The following CARNMT1 variants were observed in gnomAD, a reference collection of about 807,000 sequenced individuals.
The protein encoded by CARNMT1 is carnosine N-methyltransferase 1, also known as protein-L-histidine N-pros-methyltransferase CARNMT1.
In CARNMT1, 28 loss-of-function variants were observed where a neutral mutation model predicts 49.6. The ratio of observed to expected loss-of-function variants is 0.56; its 90% confidence interval spans 0.42 to 0.77. The LOEUF is 0.77. Ranked by LOEUF, CARNMT1 falls within the 30% of genes least tolerant of loss-of-function variation. The probability of loss-of-function intolerance (pLI) is 0.00; values close to 1 mark genes in which losing one functional copy is unlikely to be tolerated. For synonymous variants in CARNMT1, 178 were observed against 175.0 expected (o/e 1.02, Z -0.13); for missense variants, 421 against 512.6 (o/e 0.82, Z 1.73).
At chr9:75,012,287 T>G (rs1378721318) in intron 3 of CARNMT1, among the ~76,000 whole-genome samples, 7 of 148,190 alleles carry the variant, frequency 4.7e-5, no homozygotes, top group African/African-American at 1.7e-4. Context: ...GTTTTTGGTT[T>G]TTTTTTTTTT....
chr9:75,016,107 T>A, intron 3 of CARNMT1, 161 bp downstream of exon 3: 2 of 505,302 alleles, frequency 4.0e-6, no homozygotes, highest in South Asian at 7.3e-5. Context: ...ACAACTGTAA[T>A]CTCACACAGA....
chr9:75,013,256 G>A (rs1351893019), intron 3 of CARNMT1, among the ~76,000 whole-genome samples: 2 of 152,064 alleles, frequency 1.3e-5, no homozygotes, highest in African/African-American at 4.8e-5. Context: ...CCATGGACTG[G>A]TCAGGAACTG....
Position 74,998,677 on chromosome 9 carries a change from A to G in CARNMT1, c.831T>C (p.Asp277=). ...ADQIRPIFFP[D]VDPHSLPPGS... ...CAGGAGGAAGACTGTGGGGGTCAACATCAGGGAAAAAGATGGGTCGAATCT... is the reference window on the plus strand; with the variant it reads ...CAGGAGGAAGACTGTGGGGGTCAACGTCAGGGAAAAAGATGGGTCGAATCT... The change falls in exon 5 of 8, where the codon GAT becomes GAC. Residue 277 remains aspartate (D), a synonymous_variant. Coordinates refer to ENST00000376834, the MANE Select transcript of CARNMT1 (RefSeq NM_152420.3). 6.2e-7 allele frequency: 1 copy of G among 1,609,476 alleles called. No individual in the cohort carries two copies. The highest frequency in any genetic ancestry group is 2.2e-5 in the East Asian group (1 of 44,778).
At chr9:74,998,421 C>A (rs1035176896) in intron 5 of CARNMT1, among the ~76,000 whole-genome samples, 177 bp downstream of exon 5, 11 of 152,190 alleles carry the variant, frequency 7.2e-5, no homozygotes, top group Admixed American at 2.0e-4. Context: ...ATATCTTACA[C>A]TTCTTATTTC....
In CARNMT1 at chr9:75,001,879, T is replaced by C. The variant is rs764858483; in HGVS notation, c.591-2009A>G. Among the ~76,000 whole-genome samples, 15 of 152,230 alleles carry C rather than the reference T, an allele frequency of 9.9e-5. 1 individual carries two copies. In the South Asian group the frequency reaches 2.7e-3, roughly 27 times the overall value. ...AGAAACACAAATCTAATACAGACCT[T>C]AATGGTGAGACAACCTTAAACCAGG... On this transcript the variant is annotated intron_variant, in intron 3 of 7. Coordinates refer to ENST00000376834, the MANE Select transcript of CARNMT1 (RefSeq NM_152420.3).
In CARNMT1 at chr9:75,000,463, C is replaced by T. The variant is rs1328091825; in HGVS notation, c.591-593G>A. On this transcript the variant is annotated intron_variant, in intron 3 of 7. Coordinates refer to ENST00000376834, the MANE Select transcript of CARNMT1 (RefSeq NM_152420.3). The stretch of plus-strand genomic sequence containing the variant: ...CATACATGATAACAAATATATTACA[C>T]CAAACCAGAGGTTCACAACCAAACT... 2.6e-5 allele frequency among the ~76,000 whole-genome samples: 4 copies of T among 152,046 alleles called. No homozygotes were observed. In the East Asian group the frequency reaches 7.7e-4, roughly 29 times the overall value.
intron 3 of CARNMT1, among the ~76,000 whole-genome samples, chr9:75,004,155 G>T (rs1257592675): frequency 6.6e-6 from 1 of 152,236 alleles, no homozygotes; most frequent in African/African-American, 2.4e-5. Context: ...GATTACAGGC[G>T]TGAGCCACGG....
chr9:75,028,333 C>G, upstream of CARNMT1: 1 of 1,312,650 alleles, frequency 7.6e-7, no homozygotes, highest in South Asian at 2.2e-5. Context: ...ACGGCGCCCG[C>G]CGCGGACATG....
intron 3 of CARNMT1, chr9:75,015,788 A>AC (rs1833829638): frequency 7.3e-6 from 1 of 137,556 alleles, no homozygotes; most frequent in South Asian, 2.1e-4. Context: ...TGTCTCAAAA[A>AC]AATAAATAAA....
In CARNMT1 at chr9:74,980,973, C is replaced by T. The variant is rs1485743367; in HGVS notation, c.*2794G>A. 6.6e-6 allele frequency: 1 copy of T among 152,092 alleles called. No individual in the cohort carries two copies. Among genetic ancestry groups the T allele is most frequent in the African/African-American group, 2.4e-5 (1 of 41,428 alleles). 9.4% of individuals were successfully genotyped at this position (152,092 alleles called of 1,614,324 possible). A position where few individuals can be genotyped will look rare whatever the true frequency, so the allele number is the denominator to read the frequency against. ...ATATATGCTCAACTCATTAAAATCCCCACATCTATAGTTACATTAATTTAG... is the reference window on the plus strand; with the variant it reads ...ATATATGCTCAACTCATTAAAATCCTCACATCTATAGTTACATTAATTTAG... On this transcript the variant is annotated 3_prime_UTR_variant, in exon 8 of 8. Transcript: ENST00000376834.
intron 1 of CARNMT1, among the ~76,000 whole-genome samples, chr9:75,021,477 T>C (rs1277201723): frequency 6.9e-6 from 1 of 145,348 alleles, no homozygotes; most frequent in East Asian, 1.9e-4. Context: ...ATATATACTA[T>C]ATATATATAT....
At chr9:75,007,974 A>T (rs1048185370) in intron 3 of CARNMT1, among the ~76,000 whole-genome samples, 5 of 151,926 alleles carry the variant, frequency 3.3e-5, no homozygotes, top group Admixed American at 6.6e-5. Context: ...ATTGCAGGGT[A>T]CAAGATCAAC....
intron 6 of CARNMT1, 42 bp from the exon 7 acceptor site, chr9:74,985,052 A>C: frequency 4.4e-6 from 6 of 1,368,394 alleles, no homozygotes; most frequent in Non-Finnish European, 6.3e-6. Flanking sequence ...ATATAAACAT[A>C]CACTCATAGC....
chr9:74,993,024 T>G (rs1833075642), intron 6 of CARNMT1, among the ~76,000 whole-genome samples: 1 of 152,232 alleles, frequency 6.6e-6, no homozygotes, highest in South Asian at 2.1e-4. Context: ...GACATCTTAG[T>G]ATGTTCCCTT....
chr9:74,985,039 T>C, intron 6 of CARNMT1, 29 bp from the exon 7 acceptor site: 1 of 1,489,630 alleles, frequency 6.7e-7, no homozygotes, highest in Non-Finnish European at 9.4e-7. Flanking sequence ...ATGAATTACT[T>C]GAATATAAAC....
Position 75,016,290 on chromosome 9 carries a change from T to C in CARNMT1, c.568A>G (p.Lys190Glu). The C allele has an allele frequency of 6.2e-7, 1 of 1,612,754 alleles. No homozygotes were observed. Among genetic ancestry groups the C allele is most frequent in the Non-Finnish European group, 8.5e-7 (1 of 1,179,730 alleles). Residue 190 changes from lysine (K) to glutamate (E), a missense_variant, in exon 3 of 8, where the codon AAA becomes GAA. By Grantham distance (56) the Lys-to-Glu change is moderately conservative (BLOSUM62 1). This residue lies in a region of CARNMT1 where 235 missense variants were observed against 344.8 expected (regional missense o/e 0.68). Transcript: ENST00000376834. Reference sequence around the variant, plus strand: ...TACCATCTCTCTTTTGGAAAATTTTTTAAAATTTCTTTAATGATTGGCTGG... The same window carrying C: ...TACCATCTCTCTTTTGGAAAATTTTCTAAAATTTCTTTAATGATTGGCTGG... ...CYQPIIKEIL[K>E]NFPKERWDPS...
chr9:75,028,039 T>C lies in CARNMT1; in HGVS notation c.203A>G (p.Lys68Arg), dbSNP rs759001969. 2 of 1,578,282 alleles carry C rather than the reference T, an allele frequency of 1.3e-6. No homozygotes were observed. Among genetic ancestry groups the C allele is most frequent in the Non-Finnish European group, 1.7e-6 (2 of 1,164,708 alleles). ...GTAGTAGCGGAAGGCATTAATGATCTTCCAGAAGTGCTCACGCTCAAGCCT... is the reference window on the plus strand; with the variant it reads ...GTAGTAGCGGAAGGCATTAATGATCCTCCAGAAGTGCTCACGCTCAAGCCT... ...EERLEREHFW[K>R]IINAFRYYGT... The change falls in exon 1 of 8, where the codon AAG (lysine) becomes AGG (arginine). Residue 68 changes from lysine to arginine, a missense_variant. Physicochemically the swap from Lys to Arg is conservative, Grantham distance 26. Coordinates refer to ENST00000376834, the MANE Select transcript of CARNMT1 (RefSeq NM_152420.3).
At chr9:74,993,949 C>T (rs1040206496) in intron 6 of CARNMT1, among the ~76,000 whole-genome samples, 4 of 152,168 alleles carry the variant, frequency 2.6e-5, no homozygotes, top group African/African-American at 9.7e-5. Context: ...CTGTTTGTGT[C>T]CCCCTGCCTC....
At chr9:74,998,156 T>C (rs1833248317) in intron 5 of CARNMT1, among the ~76,000 whole-genome samples, 2 of 152,150 alleles carry the variant, frequency 1.3e-5, no homozygotes, top group Non-Finnish European at 2.9e-5. Context: ...TCTCATTAAA[T>C]CTCCCATTAA....
Sources: allele counts gnomAD v4.1 joint callset (sites outside exome capture counted in the v4.1 genomes callset), GRCh38; gene constraint gnomAD v4.1.1; regional missense constraint gnomAD v4.1.1; transcripts MANE v1.5; gene names NCBI Gene and HGNC (gene_info 2026-07-23, HGNC 2026-07-21).